SNX29: variants seen among roughly 807,000 people sequenced by gnomAD.
The protein encoded by SNX29 is sorting nexin 29.
A neutral mutation model predicts 102.1 loss-of-function variants in SNX29; 78 were observed. That is an observed-to-expected ratio of 0.76 (90% CI 0.64 to 0.92). SNX29 has a LOEUF of 0.92. Ranked by LOEUF, SNX29 falls within the 40% of genes least tolerant of loss-of-function variation. The pLI is 0.00. For missense variants in SNX29, 1,280 were observed against 1,061.7 expected (o/e 1.21, Z -2.86); for synonymous variants, 580 against 414.5 (o/e 1.40, Z -4.85).
At chr16:12,566,028 C>A (rs911835288) in intron 20 of SNX29, among the ~76,000 whole-genome samples, 5 of 152,214 alleles carry the variant, frequency 3.3e-5, no homozygotes, top group Admixed American at 6.5e-5. Context: ...GGTGGTGACA[C>A]AGGTCATGTG....
intron 3 of SNX29, among the ~76,000 whole-genome samples, chr16:12,023,640 T>C (rs2057098295): frequency 6.6e-6 from 1 of 151,954 alleles, no homozygotes; most frequent in Non-Finnish European, 1.5e-5. Flanking sequence ...AGTGCTCCTT[T>C]CATTTCGTGG....
chr16:12,103,738 C>T (rs2053115571), intron 11 of SNX29, among the ~76,000 whole-genome samples: 1 of 152,222 alleles, frequency 6.6e-6, no homozygotes, highest in South Asian at 2.1e-4. Context: ...AAGAAACTAT[C>T]ATCAGAGTGA....
chr16:12,282,109 T>A lies in SNX29; in HGVS notation c.1782+4073T>A, dbSNP rs75839166. Among the ~76,000 whole-genome samples, 1,345 of 78,818 alleles carry A rather than the reference T, an allele frequency of 0.017. 38 individuals are homozygous for A. The East Asian group carries it at 0.19, about 11-fold the overall frequency. The allele number at this position is 78,818 out of a possible 152,430, so 51.7% of individuals were successfully genotyped here. The stretch of plus-strand genomic sequence containing the variant: ...AAAAAAAAAAAAAAAAAAAAAAAAA[T>A]GCAGAGCTGGATTTGAATCCTCACA... On this transcript the variant is annotated intron_variant, in intron 15 of 20. Transcript: ENST00000566228.
intron 13 of SNX29, among the ~76,000 whole-genome samples, chr16:12,158,107 C>T (rs1057355788): frequency 5.9e-5 from 9 of 151,746 alleles, no homozygotes; most frequent in African/African-American, 2.2e-4. Context: ...AGAGACAGTT[C>T]TCACTCTGTT....
chr16:12,133,832 T>C (rs187967308), intron 13 of SNX29, among the ~76,000 whole-genome samples: 24 of 152,316 alleles, frequency 1.6e-4, no homozygotes, highest in African/African-American at 5.3e-4. Context: ...CTCAGAAAAG[T>C]GAGATATTCG....
intron 20 of SNX29, among the ~76,000 whole-genome samples, chr16:12,564,008 C>A (rs759931327): frequency 6.6e-6 from 1 of 152,152 alleles, no homozygotes; most frequent in East Asian, 1.9e-4. Flanking sequence ...ACCCTCTTCC[C>A]CCAGGGTAGG....
In SNX29 at chr16:12,571,001, G is replaced by A. The variant is rs140819392; in HGVS notation, c.*2372G>A. 8.8e-4 allele frequency: 204 copies of A among 232,308 alleles called. 1 individual carries two copies. The highest frequency in any genetic ancestry group is 3.0e-3 in the Admixed American group (53 of 17,760). 14.4% of individuals were successfully genotyped at this position (232,308 alleles called of 1,614,324 possible). A position where few individuals can be genotyped will look rare whatever the true frequency, so the allele number is the denominator to read the frequency against. On this transcript the variant is annotated 3_prime_UTR_variant, in exon 21 of 21. Coordinates refer to ENST00000566228, the MANE Select transcript of SNX29 (RefSeq NM_032167.5). The stretch of plus-strand genomic sequence containing the variant: ...CCTCCCCCATGATCATGCACAGACC[G>A]TAGAGTCGAGTCATCTCGCAGATCC...
intron 19 of SNX29, among the ~76,000 whole-genome samples, chr16:12,483,143 T>TTTTTG (rs2088046727): frequency 7.5e-6 from 1 of 133,370 alleles, no homozygotes; most frequent in East Asian, 2.3e-4. Flanking sequence ...TTTTTTTTTT[T>TTTTTG]GGAGACAGCA....
intron 13 of SNX29, among the ~76,000 whole-genome samples, chr16:12,198,182 G>T (rs893656661): frequency 7.9e-5 from 12 of 152,154 alleles, no homozygotes; most frequent in African/African-American, 2.9e-4. Context: ...AGGCCTGAAA[G>T]GTATATACTA....
intron 18 of SNX29, among the ~76,000 whole-genome samples, chr16:12,470,888 C>T (rs1026180503): frequency 1.1e-4 from 16 of 152,176 alleles, no homozygotes; most frequent in Non-Finnish European, 1.3e-4. Flanking sequence ...CAGGCATGGG[C>T]GAGGCACGAC....
intron 18 of SNX29, among the ~76,000 whole-genome samples, chr16:12,405,289 A>G (rs571393832): frequency 1.1e-4 from 16 of 152,280 alleles, no homozygotes; most frequent in African/African-American, 3.6e-4. Flanking sequence ...CAACTTGGCA[A>G]TTTTTAGCTC....
chr16:12,305,134 G>A (rs2080299122), intron 15 of SNX29, among the ~76,000 whole-genome samples: 1 of 152,222 alleles, frequency 6.6e-6, no homozygotes, highest in Non-Finnish European at 1.5e-5. Context: ...TTTGAAATCT[G>A]TGGGAACTAG....
chr16:12,021,218 G>T (rs1429966776), intron 3 of SNX29, among the ~76,000 whole-genome samples: 1 of 152,060 alleles, frequency 6.6e-6, no homozygotes, highest in South Asian at 2.1e-4. Context: ...CAATTCAGGA[G>T]TTCGAGACCA....
intron 19 of SNX29, among the ~76,000 whole-genome samples, chr16:12,485,234 G>T (rs1423719935): frequency 6.6e-6 from 1 of 152,236 alleles, no homozygotes; most frequent in East Asian, 1.9e-4. Flanking sequence ...TGGTCTGAGG[G>T]AGTTGACCGG....
At chr16:12,185,831 G>T (rs906541567) in intron 13 of SNX29, among the ~76,000 whole-genome samples, 1 of 152,208 alleles carries the variant, frequency 6.6e-6, no homozygotes, top group African/African-American at 2.4e-5. Context: ...CTATGCCTCT[G>T]CATTGTAGGA....
intron 18 of SNX29, among the ~76,000 whole-genome samples, chr16:12,405,063 CTCTTT>C (rs1324746281): frequency 4.6e-5 from 7 of 152,210 alleles, no homozygotes; most frequent in African/African-American, 9.7e-5. Context: ...AAATCCTCTT[CTCTTT>C]GTTTCTCCTT....
At chr16:12,545,660 C>T (rs562816815) in intron 20 of SNX29, 2 of 152,360 alleles carry the variant, frequency 1.3e-5, no homozygotes, top group South Asian at 4.1e-4. Flanking sequence ...TATGGCCCTT[C>T]CCAGCTTCTA....
At chr16:12,251,485 C>T (rs1018226396) in intron 14 of SNX29, among the ~76,000 whole-genome samples, 8 of 152,116 alleles carry the variant, frequency 5.3e-5, no homozygotes, top group Admixed American at 6.5e-5. Flanking sequence ...GGTGGATCAC[C>T]TGAGGTCAGG....
intron 20 of SNX29, among the ~76,000 whole-genome samples, chr16:12,562,103 G>C (rs193167465): frequency 6.6e-6 from 1 of 152,242 alleles, no homozygotes; most frequent in Non-Finnish European, 1.5e-5. Flanking sequence ...GCATTTCTAA[G>C]GCCGTTCACT....
Sources: gnomAD v4.1 joint callset for allele counts (sites outside exome capture counted in the v4.1 genomes callset) on GRCh38, gnomAD v4.1.1 for gene constraint, MANE v1.5 for transcripts, NCBI Gene and HGNC (gene_info 2026-07-23, HGNC 2026-07-21) for gene names.